The following CAPN13 variants were observed in gnomAD, a reference collection of about 807,000 sequenced individuals.
The protein encoded by CAPN13 is calpain-13.
A neutral mutation model predicts 98.4 loss-of-function variants in CAPN13; 90 were observed. That is an observed-to-expected ratio of 0.92 (90% confidence interval 0.77 to 1.09). CAPN13 has a LOEUF of 1.09. Among genes scored for constraint, CAPN13 ranks in the 50% least tolerant of loss-of-function variants. The pLI is 0.00. For missense variants in CAPN13, 887 were observed against 841.3 expected (o/e 1.05, Z -0.67); for synonymous variants, 330 against 305.5 (o/e 1.08, Z -0.84).
intron 12 of CAPN13, among the ~76,000 whole-genome samples, chr2:30,744,643 T>C (rs932104114): frequency 6.6e-6 from 1 of 152,184 alleles, no homozygotes; most frequent in Non-Finnish European, 1.5e-5. Context: ...CTGCTCCCTC[T>C]GTTGACCCCT....
At chr2:30,747,066 C>G (rs182072369) in intron 11 of CAPN13, among the ~76,000 whole-genome samples, 1 of 152,290 alleles carries the variant, frequency 6.6e-6, no homozygotes, top group African/African-American at 2.4e-5. Context: ...TTCTTGCACT[C>G]CCACCCCTGA....
intron 1 of CAPN13, among the ~76,000 whole-genome samples, chr2:30,795,074 T>C (rs890461590): frequency 1.3e-5 from 2 of 152,022 alleles, no homozygotes; most frequent in African/African-American, 4.8e-5. Context: ...TATATAGTCT[T>C]CTGTAATTTG....
chr2:30,727,467 G>A (rs1670896268), intron 22 of CAPN13, among the ~76,000 whole-genome samples: 1 of 152,122 alleles, frequency 6.6e-6, no homozygotes, highest in African/African-American at 2.4e-5. Context: ...CTCCTCTGTA[G>A]TAAAAATATA....
intron 2 of CAPN13, among the ~76,000 whole-genome samples, chr2:30,780,661 G>A (rs1234072400): frequency 6.6e-6 from 1 of 152,198 alleles, no homozygotes; most frequent in African/African-American, 2.4e-5. Flanking sequence ...AAGTTTATGG[G>A]AAAACATAGG....
In CAPN13 at chr2:30,775,930, C is replaced by T; in HGVS notation, c.387G>A (p.Arg129=). Residue 129 remains arginine, a splice_region_variant and synonymous_variant, in exon 4 of 23, where the codon CGG becomes CGA. Transcript: ENST00000295055. Reference sequence around the variant, plus strand: ...ATGAGCGCTGCAAGGGCACACGTACCCGGAAACGGAAAATGCCAGCATACT... The same window carrying T: ...ATGAGCGCTGCAAGGGCACACGTACTCGGAAACGGAAAATGCCAGCATACT... The part of the protein sequence containing the change: ...SHQYAGIFRF[R]FWQCGQWVEV... 1 of 1,606,292 alleles carries T rather than the reference C, an allele frequency of 6.2e-7. No homozygotes were observed. The highest frequency in any genetic ancestry group is 8.5e-7 in the Non-Finnish European group (1 of 1,175,636).
chr2:30,775,532 A>G (rs78174761), intron 4 of CAPN13, among the ~76,000 whole-genome samples: 333 of 152,346 alleles, frequency 2.2e-3, no homozygotes, highest in South Asian at 0.021. Context: ...AGAATTACCA[A>G]GATATTTTTG....
chr2:30,788,805 T>C (rs1400531632), intron 1 of CAPN13, among the ~76,000 whole-genome samples: 2 of 152,216 alleles, frequency 1.3e-5, no homozygotes, highest in South Asian at 2.1e-4. Context: ...CACAAATTCA[T>C]AGACAGAATA....
At chr2:30,765,529 T>C (rs1238741788) in intron 5 of CAPN13, among the ~76,000 whole-genome samples, 1 of 152,204 alleles carries the variant, frequency 6.6e-6, no homozygotes, top group African/African-American at 2.4e-5. Context: ...ATCCTGCTGC[T>C]CCCTCCAACT....
chr2:30,723,078 C>A lies in CAPN13; in HGVS notation c.*189G>T, dbSNP rs900111916. The stretch of plus-strand genomic sequence containing the variant: ...AGCTGCTTGGTGGCCACAGGCTTAA[C>A]TGGGCCTGGGCCAGCCAAGGACCGA... On this transcript the variant is annotated 3_prime_UTR_variant, in exon 23 of 23. Transcript: ENST00000295055. The A allele has an allele frequency of 6.6e-6, 1 of 152,252 alleles. No individual in the cohort carries two copies. Among genetic ancestry groups the A allele is most frequent in the Admixed American group, 6.5e-5 (1 of 15,288 alleles). The allele number at this position is 152,252 out of a possible 1,614,324, so 9.4% of individuals were successfully genotyped here.
At chr2:30,799,783 G>A (rs1289677607) in intron 1 of CAPN13, among the ~76,000 whole-genome samples, 1 of 152,134 alleles carries the variant, frequency 6.6e-6, no homozygotes, top group African/African-American at 2.4e-5. Context: ...GATGTAGAAA[G>A]CTACACAGGG....
At chr2:30,804,023 T>C (rs77235105) in intron 1 of CAPN13, among the ~76,000 whole-genome samples, 6,775 of 152,266 alleles carry the variant, frequency 0.044, 529 homozygotes, top group African/African-American at 0.15. Context: ...GAGTTTTTTA[T>C]TCAACAGGGT....
intron 1 of CAPN13, among the ~76,000 whole-genome samples, chr2:30,801,715 C>A (rs1675291705): frequency 6.6e-6 from 1 of 151,640 alleles, no homozygotes; most frequent in Admixed American, 6.6e-5. Context: ...CAAAGACTGG[C>A]TGGGCGACAG....
chr2:30,800,412 C>T (rs1041144608), intron 1 of CAPN13, among the ~76,000 whole-genome samples: 1 of 152,224 alleles, frequency 6.6e-6, no homozygotes, highest in Non-Finnish European at 1.5e-5. Flanking sequence ...GACCCAGCCT[C>T]TTCCTGAATC....
chr2:30,754,207 G>T (rs485100), intron 9 of CAPN13, 83 bp downstream of exon 9: 2 of 1,119,186 alleles, frequency 1.8e-6, no homozygotes, highest in South Asian at 1.9e-5. Context: ...TTCCACCTTC[G>T]TAAATGTTCA....
At chr2:30,782,973 C>T (rs111977161) in intron 2 of CAPN13, among the ~76,000 whole-genome samples, 217 of 152,258 alleles carry the variant, frequency 1.4e-3, no homozygotes, top group African/African-American at 4.5e-3. Context: ...AATAGCCACA[C>T]GGGACTAGTG....
intron 13 of CAPN13, 119 bp downstream of exon 13, chr2:30,743,264 A>G (rs2147971367): frequency 1.1e-6 from 1 of 907,966 alleles, no homozygotes; most frequent in Non-Finnish European, 1.8e-6. Flanking sequence ...GGCCAATATC[A>G]TGTCCCCAGT....
intron 4 of CAPN13, among the ~76,000 whole-genome samples, chr2:30,773,278 C>T (rs1395956001): frequency 6.6e-6 from 1 of 152,170 alleles, no homozygotes; most frequent in Non-Finnish European, 1.5e-5. Context: ...AAACGTGATC[C>T]AAGAATCCTA....
rs780935684 is a variant in CAPN13, at chr2:30,770,323, C to A, written c.514G>T (p.Ala172Ser). 6.2e-6 allele frequency: 10 copies of A among 1,613,824 alleles called. No homozygotes were observed. The South Asian group carries it at 1.1e-4, about 18-fold the overall frequency. ...QEFWPCLLEK[A>S]YAKLLGSYSD... ...CGGGGTTGTACTTACTTGGCATAGG[C>A]CTTCTCCAGCAGGCAGGGCCAGAAC... The change falls in exon 5 of 23, where the codon GCC becomes TCC. Residue 172 changes from alanine to serine, a missense_variant. Physicochemically the swap from Ala to Ser is moderately conservative, Grantham distance 99. Coordinates refer to ENST00000295055, the MANE Select transcript of CAPN13 (RefSeq NM_144575.3).
intron 1 of CAPN13, among the ~76,000 whole-genome samples, chr2:30,796,228 A>G (rs946218653): frequency 6.9e-4 from 97 of 140,356 alleles, no homozygotes; most frequent in Non-Finnish European, 1.3e-3. Flanking sequence ...ATATATGTAT[A>G]TATATATGTG....
Sources: allele counts gnomAD v4.1 joint callset (sites outside exome capture counted in the v4.1 genomes callset), GRCh38; gene constraint gnomAD v4.1.1; transcripts MANE v1.5; gene names NCBI Gene and HGNC (gene_info 2026-07-23, HGNC 2026-07-21).